The following PCDHGA2 variants were observed in gnomAD, a reference collection of about 807,000 sequenced individuals.
The protein encoded by PCDHGA2 is protocadherin gamma-A2.
Under a neutral mutation model 59.2 loss-of-function variants are expected in PCDHGA2, and 40 were observed. The ratio of observed to expected loss-of-function variants is 0.68; its 90% confidence interval spans 0.52 to 0.88. The LOEUF is 0.88. Ranked by LOEUF, PCDHGA2 falls within the 40% of genes least tolerant of loss-of-function variation. The pLI, the probability that PCDHGA2 is intolerant of heterozygous loss-of-function variation, is 0.00. For missense variants in PCDHGA2, 1,226 were observed against 1,204.0 expected, an observed-to-expected ratio of 1.02 and a Z score of -0.27; for synonymous variants, 560 against 526.0, an observed-to-expected ratio of 1.06 and a Z score of -0.89.
chr5:141,399,203 G>C, intron 1 of PCDHGA2: 1 of 1,613,940 alleles, frequency 6.2e-7, no homozygotes, highest in Middle Eastern at 1.6e-4. Context: ...GCGGTGCCTG[G>C]AACACTAATT....
At chr5:141,369,295 G>T (rs556803561) in intron 1 of PCDHGA2, among the ~76,000 whole-genome samples, 1 of 152,082 alleles carries the variant, frequency 6.6e-6, no homozygotes, top group African/African-American at 2.4e-5. Flanking sequence ...TCCTAATAAC[G>T]CATCATTGTT....
rs146306949 is a variant in PCDHGA2 at position 141,340,898 on chromosome 5, G to A, written c.1927G>A (p.Val643Met). The part of the protein sequence containing the change: ...LDRDALKQSL[V>M]VAIQDHGQPP... ...CAGAGACGCGCTCAAGCAGAGCCTC[G>A]TGGTGGCCATCCAGGACCACGGCCA... The change falls in exon 1 of 4, where the codon GTG becomes ATG. Residue 643 changes from valine to methionine, a missense_variant. Val to Met is a conservative substitution (Grantham distance 21). Transcript: ENST00000394576. 6.8e-6 allele frequency: 11 copies of A among 1,613,702 alleles called. No individual in the cohort carries two copies. In the East Asian group the frequency reaches 1.8e-4, roughly 26 times the overall value.
intron 1 of PCDHGA2, chr5:141,400,327 G>A: frequency 6.2e-7 from 1 of 1,614,074 alleles, no homozygotes. Context: ...GTCTGGACCT[G>A]TGGTTCCCCC....
chr5:141,374,902 C>T (rs1481689020), intron 1 of PCDHGA2: 2 of 1,613,754 alleles, frequency 1.2e-6, no homozygotes, highest in Middle Eastern at 1.6e-4. Flanking sequence ...ATGAAGGAGT[C>T]CACGGGGAAG....
At position 141,352,718 on chromosome 5, in the gene PCDHGA2, G is replaced by A. The variant is rs374695634; in HGVS notation, c.2424+11323G>A. ...AATTTTATATATGGCGGCCGGGCGC[G>A]GTGGCTCAAGCCTGTAATCCCAGCA... On this transcript the variant is annotated intron_variant, in intron 1 of 3. Coordinates refer to ENST00000394576, the MANE Select transcript of PCDHGA2 (RefSeq NM_018915.4). 1.2e-5 allele frequency: 18 copies of A among 1,536,310 alleles called. No homozygotes were observed. In the African/African-American group the frequency reaches 1.2e-4, roughly 11 times the overall value.
chr5:141,377,889 C>T (rs914946378), intron 1 of PCDHGA2: 1 of 152,056 alleles, frequency 6.6e-6, no homozygotes, highest in Non-Finnish European at 1.5e-5. Flanking sequence ...AGATAGGATC[C>T]CCCTCTGTTG....
At chr5:141,411,982 A>T (rs2154543855) in intron 1 of PCDHGA2, 1 of 152,346 alleles carries the variant, frequency 6.6e-6, no homozygotes, top group East Asian at 1.9e-4. Context: ...AGAGTTCTAT[A>T]CTTGGAAGGC....
rs1454034279 is a variant in PCDHGA2, at chr5:141,366,572, G to A, written c.2424+25177G>A. On this transcript the variant is annotated intron_variant, in intron 1 of 3. Transcript: ENST00000394576. Reference sequence around the variant, plus strand: ...CTTTGTGGGCGTGGATGGGGTTCGGGCTTTCCTGCAGACCTATTCCCACGA... The same window carrying A: ...CTTTGTGGGCGTGGATGGGGTTCGGACTTTCCTGCAGACCTATTCCCACGA... The A allele has an allele frequency of 1.9e-6, 3 of 1,614,148 alleles. No homozygotes were observed. The highest frequency in any genetic ancestry group is 1.7e-6 in the Non-Finnish European group (2 of 1,180,064).
intron 1 of PCDHGA2, chr5:141,394,355 G>A: frequency 6.2e-7 from 1 of 1,614,182 alleles, no homozygotes; most frequent in Non-Finnish European, 8.5e-7. Context: ...CCGGTGTCCT[G>A]TATGCGCTGC....
At chr5:141,440,617 C>T (rs1469883341) in intron 1 of PCDHGA2, 1 of 152,168 alleles carries the variant, frequency 6.6e-6, no homozygotes, top group East Asian at 1.9e-4. Context: ...TGCAGAAGAT[C>T]CTGATGTTGA....
intron 1 of PCDHGA2, among the ~76,000 whole-genome samples, chr5:141,379,919 T>G (rs930949901): frequency 6.2e-5 from 7 of 113,224 alleles, no homozygotes; most frequent in Non-Finnish European, 1.2e-4. Flanking sequence ...TTTTTTTTTT[T>G]GTCAGAGTCT....
chr5:141,422,228 T>C (rs1561800204), intron 1 of PCDHGA2: 1 of 1,565,566 alleles, frequency 6.4e-7, no homozygotes, highest in Non-Finnish European at 8.6e-7. Flanking sequence ...ACCACGACGA[T>C]GTTGATCACT....
rs72790062 is a variant in PCDHGA2, at chr5:141,476,031, C to A, written c.2425-18776C>A. On this transcript the variant is annotated intron_variant, in intron 1 of 3. Coordinates refer to ENST00000394576, the MANE Select transcript of PCDHGA2 (RefSeq NM_018915.4). The surrounding 1 kb of genome is among the most constrained non-coding windows in gnomAD (Gnocchi z 7.6). Reference sequence around the variant, plus strand: ...AAGCCATGTCGGACTCGGCGCCCAGCGCCCAAGCGCTAACCCGCTGAAAGT... The same window carrying A: ...AAGCCATGTCGGACTCGGCGCCCAGAGCCCAAGCGCTAACCCGCTGAAAGT... 6.9e-6 allele frequency: 10 copies of A among 1,457,214 alleles called. No homozygotes were observed. The highest frequency in any genetic ancestry group is 9.1e-6 in the Non-Finnish European group (10 of 1,094,860). 90.3% of individuals were successfully genotyped at this position (1,457,214 alleles called of 1,614,324 possible).
chr5:141,432,873 T>A lies in PCDHGA2; in HGVS notation c.2425-61934T>A, dbSNP rs753576338. ...GTGGCCGCGGTCTCCTGCGTCTTCCTGGCCTTCGTCATCTTGCTGCTGGCG... is the reference window on the plus strand; with the variant it reads ...GTGGCCGCGGTCTCCTGCGTCTTCCAGGCCTTCGTCATCTTGCTGCTGGCG... On this transcript the variant is annotated intron_variant, in intron 1 of 3. Transcript: ENST00000394576. This position sits in a 1 kb window ranked among gnomAD's most constrained non-coding sequence, Gnocchi z 6.0. 1.4e-5 allele frequency: 22 copies of A among 1,614,204 alleles called. No individual in the cohort carries two copies. The highest frequency in any genetic ancestry group is 3.3e-4 in the Middle Eastern group (2 of 6,062).
chr5:141,405,059 G>A (rs374581472), intron 1 of PCDHGA2: 22 of 1,613,900 alleles, frequency 1.4e-5, no homozygotes, highest in Non-Finnish European at 1.9e-5. Flanking sequence ...CGTCTCCTGT[G>A]TCTTCCTCAC....
chr5:141,509,051 A>G (rs1051961974), intron 3 of PCDHGA2, among the ~76,000 whole-genome samples: 1 of 152,166 alleles, frequency 6.6e-6, no homozygotes, highest in Admixed American at 6.5e-5. Context: ...CCCCGCCCCC[A>G]GAAAGCTCTC....
intron 1 of PCDHGA2, chr5:141,364,513 G>A (rs1027493241): frequency 3.1e-6 from 5 of 1,613,934 alleles, no homozygotes; most frequent in South Asian, 1.1e-5. Context: ...AGCTGGCGGA[G>A]CGCGGAGTCC....
intron 1 of PCDHGA2, chr5:141,372,747 G>T (rs749618566): frequency 1.6e-5 from 26 of 1,613,300 alleles, no homozygotes; most frequent in Admixed American, 1.7e-5. Context: ...ATGTGATGAA[G>T]CCTCTTGGTT....
chr5:141,369,246 A>G (rs1035336537), intron 1 of PCDHGA2, among the ~76,000 whole-genome samples: 3 of 152,210 alleles, frequency 2.0e-5, no homozygotes, highest in Non-Finnish European at 4.4e-5. Flanking sequence ...TTATATAATT[A>G]AATAATATAA....
Sources: gnomAD v4.1 joint callset for allele counts (sites outside exome capture counted in the v4.1 genomes callset) on GRCh38, gnomAD v4.1.1 for gene constraint, Gnocchi (gnomAD v3.1) non-coding constraint, MANE v1.5 for transcripts, NCBI Gene and HGNC (gene_info 2026-07-23, HGNC 2026-07-21) for gene names.